MNAT1: variants seen among roughly 807,000 people sequenced by gnomAD.
The protein encoded by MNAT1 is MNAT1 component of CDK activating kinase.
Under a neutral mutation model 42.0 loss-of-function variants are expected in MNAT1, and 43 were observed. That is an observed-to-expected ratio of 1.02 (90% CI 0.80 to 1.32). The LOEUF (loss-of-function observed/expected upper bound fraction) is 1.32. Ranked by LOEUF, MNAT1 falls within the 40% of genes most tolerant of loss-of-function variation. The pLI, the probability that MNAT1 is intolerant of heterozygous loss-of-function variation, is 0.00. For synonymous variants in MNAT1, 118 were observed against 120.0 expected (o/e 0.98, Z 0.11); for missense variants, 306 against 350.4 (o/e 0.87, Z 1.01).
At chr14:60,930,890 A>C (rs975659514) in intron 7 of MNAT1, among the ~76,000 whole-genome samples, 2 of 152,170 alleles carry the variant, frequency 1.3e-5, no homozygotes, top group Admixed American at 1.3e-4. Flanking sequence ...GTCTTAAATC[A>C]AGGTTGAAAA....
chr14:60,803,602 A>G (rs1392731519), intron 3 of MNAT1, among the ~76,000 whole-genome samples: 1 of 152,168 alleles, frequency 6.6e-6, no homozygotes, highest in Non-Finnish European at 1.5e-5. Context: ...ATGAGAGAAA[A>G]AAAGTAGTTT....
At chr14:60,945,874 C>A (rs987672976) in intron 7 of MNAT1, among the ~76,000 whole-genome samples, 2 of 152,144 alleles carry the variant, frequency 1.3e-5, no homozygotes, top group African/African-American at 4.8e-5. Context: ...AAATCTCCCA[C>A]TCCACTTTCC....
At position 60,796,175 on chromosome 14, in the gene MNAT1, G is replaced by GGGGCA. The variant is rs778697051; in HGVS notation, c.90-42_90-41insGGGCA. 9.4e-5 allele frequency: 148 copies of GGGGCA among 1,568,500 alleles called. No homozygotes were observed. The South Asian group carries it at 1.5e-3, about 16-fold the overall frequency. Reference sequence around the variant, plus strand: ...AACTATTCAGATGTGTTGTAGATTTGAACATTGGCTTAAATGTTATGTTTT... The same window carrying GGGGCA: ...AACTATTCAGATGTGTTGTAGATTTGGGGCAAACATTGGCTTAAATGTTATGTTTT... On this transcript the variant is annotated intron_variant, in intron 1 of 7. Coordinates refer to ENST00000261245, the MANE Select transcript of MNAT1 (RefSeq NM_002431.4).
At chr14:60,954,619 T>G (rs1300607497) in intron 7 of MNAT1, among the ~76,000 whole-genome samples, 1 of 152,186 alleles carries the variant, frequency 6.6e-6, no homozygotes, top group Non-Finnish European at 1.5e-5. Flanking sequence ...CTGAATCAAT[T>G]AGTTTCAACA....
intron 7 of MNAT1, among the ~76,000 whole-genome samples, chr14:60,907,879 A>T (rs1056911662): frequency 2.0e-5 from 3 of 152,010 alleles, no homozygotes; most frequent in Admixed American, 6.6e-5. Flanking sequence ...GTGAAATAAA[A>T]TTTTTTATAT....
chr14:60,873,814 A>G (rs1217846718), intron 6 of MNAT1, among the ~76,000 whole-genome samples: 1 of 152,166 alleles, frequency 6.6e-6, no homozygotes, highest in Non-Finnish European at 1.5e-5. Flanking sequence ...ATGATCATGT[A>G]CTTAACATTT....
At chr14:60,844,739 T>C (rs763901645) in intron 6 of MNAT1, among the ~76,000 whole-genome samples, 1 of 152,088 alleles carries the variant, frequency 6.6e-6, no homozygotes, top group Non-Finnish European at 1.5e-5. Flanking sequence ...CTTTTGACAT[T>C]ATATGTCATA....
intron 3 of MNAT1, among the ~76,000 whole-genome samples, chr14:60,805,465 C>G (rs1198926673): frequency 6.6e-6 from 1 of 152,108 alleles, no homozygotes; most frequent in Non-Finnish European, 1.5e-5. Flanking sequence ...GCTGTATACC[C>G]TATGAGTTTT....
rs546081213 is a variant in MNAT1 at position 60,921,285 on chromosome 14, T to C, written c.809+41450T>C. 3.3e-5 allele frequency among the ~76,000 whole-genome samples: 5 copies of C among 152,340 alleles called. No homozygotes were observed. In the South Asian group the frequency reaches 1.0e-3, roughly 32 times the overall value. ...TCTCTTGAGGTCTCTCCCAGTTATC[T>C]TGGAGTCACATGTATCTGTTAAAAT... On this transcript the variant is annotated intron_variant, in intron 7 of 7. Transcript: ENST00000261245.
chr14:60,812,674 TCTTCA>T lies in MNAT1; in HGVS notation c.561+553_561+557del, dbSNP rs374954884. Among the ~76,000 whole-genome samples, 136 of 152,292 alleles carry T rather than the reference TCTTCA, an allele frequency of 8.9e-4. 1 individual carries two copies. The highest frequency in any genetic ancestry group is 3.0e-3 in the African/African-American group (126 of 41,568). On this transcript the variant is annotated intron_variant, in intron 5 of 7. Transcript: ENST00000261245. The stretch of plus-strand genomic sequence containing the variant: ...CTGTCATGCCCATCTTTGAGTAGTG[TCTTCA>T]CTTCAACCTTTTTTGCTTACTCATA...
intron 6 of MNAT1, among the ~76,000 whole-genome samples, chr14:60,843,657 A>G (rs752671685): frequency 2.0e-5 from 3 of 152,160 alleles, no homozygotes; most frequent in Non-Finnish European, 2.9e-5. Context: ...TGCTTTTACT[A>G]TTGATTTGTA....
At chr14:60,780,386 G>A in intron 1 of MNAT1, 1 of 1,568,292 alleles carries the variant, frequency 6.4e-7, no homozygotes, top group Non-Finnish European at 8.8e-7. Context: ...ACAGATCACA[G>A]CTACAGTGAC....
intron 7 of MNAT1, among the ~76,000 whole-genome samples, chr14:60,953,905 T>C (rs2036430860): frequency 6.6e-6 from 1 of 152,198 alleles, no homozygotes; most frequent in South Asian, 2.1e-4. Context: ...CACATACCTT[T>C]TGGCCATTTG....
rs868236789 is a variant in MNAT1, at chr14:60,896,709, A to G, written c.809+16874A>G. Among the ~76,000 whole-genome samples the G allele has an allele frequency of 2.0e-5, 3 of 148,184 alleles. No individual in the cohort carries two copies. The Middle Eastern group carries it at 0.011, about 525-fold the overall frequency. ...ACCATGTTGGCCAGGCTGGTCTCGA[A>G]CTCTGACCCCACGTGATCCACACGC... On this transcript the variant is annotated intron_variant, in intron 7 of 7. Coordinates refer to ENST00000261245, the MANE Select transcript of MNAT1 (RefSeq NM_002431.4).
chr14:60,752,465 GA>G (rs1334489905), intron 1 of MNAT1, among the ~76,000 whole-genome samples: 3 of 152,018 alleles, frequency 2.0e-5, no homozygotes, highest in East Asian at 1.9e-4. Context: ...TTTGACAAAA[GA>G]AAAAAATTAT....
intron 7 of MNAT1, among the ~76,000 whole-genome samples, chr14:60,928,803 A>G (rs1301648758): frequency 2.6e-5 from 4 of 151,960 alleles, no homozygotes; most frequent in South Asian, 2.1e-4. Flanking sequence ...CCATATATAT[A>G]TATCTTATAA....
chr14:60,882,055 G>A (rs1029716710), intron 7 of MNAT1, among the ~76,000 whole-genome samples: 1 of 152,096 alleles, frequency 6.6e-6, no homozygotes, highest in African/African-American at 2.4e-5. Context: ...CAGCTACTTG[G>A]GAGGCTGAGG....
rs117884260 is a variant in MNAT1 at position 60,794,463 on chromosome 14, G to A, written c.90-1754G>A. On this transcript the variant is annotated intron_variant, in intron 1 of 7. Coordinates refer to ENST00000261245, the MANE Select transcript of MNAT1 (RefSeq NM_002431.4). ...GAGGATCGCTTGAGCCCAGGAGTTC[G>A]AGACCAGCCTGAGCAACATGGGGAG... Among the ~76,000 whole-genome samples the A allele has an allele frequency of 1.1e-3, 169 of 151,248 alleles. No homozygotes were observed. In the East Asian group the frequency reaches 0.023, roughly 21 times the overall value.
In MNAT1 at chr14:60,941,964, A is replaced by G. The variant is rs189441622; in HGVS notation, c.810-26265A>G. ...ACTTGCAGTGAGCCGAGATCGCACC[A>G]CTGTACTCCAGCCTGGGCGACAGAA... On this transcript the variant is annotated intron_variant, in intron 7 of 7. Transcript: ENST00000261245. 1.6e-4 allele frequency among the ~76,000 whole-genome samples: 20 copies of G among 122,684 alleles called. 1 individual carries two copies. The East Asian group carries it at 5.5e-3, about 34-fold the overall frequency. 80.5% of individuals were successfully genotyped at this position (122,684 alleles called of 152,430 possible). A position where few individuals can be genotyped will look rare whatever the true frequency, so the allele number is the denominator to read the frequency against.
Sources: gnomAD v4.1 joint callset for allele counts (sites outside exome capture counted in the v4.1 genomes callset) on GRCh38, gnomAD v4.1.1 for gene constraint, MANE v1.5 for transcripts, NCBI Gene and HGNC (gene_info 2026-07-23, HGNC 2026-07-21) for gene names.